Variants in VAX2 observed in about 807,000 individuals in gnomAD.
VAX2 encodes ventral anterior homeobox 2.
Under a neutral mutation model 12.5 loss-of-function variants are expected in VAX2, and 8 were observed. The observed-to-expected ratio is 0.64, with a 90% CI of 0.37 to 1.15. VAX2 has a LOEUF of 1.15. Among genes scored for constraint, VAX2 ranks in the 50% most tolerant of loss-of-function variants. The probability of loss-of-function intolerance (pLI) is 0.01; values close to 1 mark genes in which losing one functional copy is unlikely to be tolerated. For missense variants in VAX2, 476 were observed against 412.9 expected, an observed-to-expected ratio of 1.15 and a Z score of -1.32; for synonymous variants, 183 against 187.6, an observed-to-expected ratio of 0.98 and a Z score of 0.20.
chr2:70,916,830 A>G (rs1679315611), intron 1 of VAX2, among the ~76,000 whole-genome samples: 3 of 152,104 alleles, frequency 2.0e-5, no homozygotes, highest in Non-Finnish European at 4.4e-5. Flanking sequence ...GATCATTTGT[A>G]TACAGGTTTT....
At chr2:70,911,499 TTAGC>T (rs1679183451) in intron 1 of VAX2, among the ~76,000 whole-genome samples, 1 of 152,176 alleles carries the variant, frequency 6.6e-6, no homozygotes, top group African/African-American at 2.4e-5. Flanking sequence ...CATTTTAAGT[TTAGC>T]TAGGCATTAT....
At chr2:70,930,259 A>G (rs1553414138) in intron 2 of VAX2, among the ~76,000 whole-genome samples, 1 of 152,118 alleles carries the variant, frequency 6.6e-6, no homozygotes, top group Non-Finnish European at 1.5e-5. Context: ...ACTCACATCT[A>G]GTTTAAATCT....
chr2:70,903,769 T>G (rs1165643002), intron 1 of VAX2, among the ~76,000 whole-genome samples: 5 of 152,158 alleles, frequency 3.3e-5, no homozygotes, highest in Non-Finnish European at 7.4e-5. Flanking sequence ...CTGAGGCCTC[T>G]CCCAAGTCAC....
At chr2:70,917,382 C>T (rs1282138936) in intron 1 of VAX2, among the ~76,000 whole-genome samples, 5 of 151,322 alleles carry the variant, frequency 3.3e-5, no homozygotes, top group South Asian at 2.1e-4. Context: ...GAATAAATGC[C>T]CATTTATTCT....
rs768657077 is a variant in VAX2, at chr2:70,932,838, G to A, written c.507G>A (p.Ala169=). Residue 169 remains alanine (A), a synonymous_variant, in exon 3 of 3, where the codon GCG becomes GCA. Coordinates refer to ENST00000234392, the MANE Select transcript of VAX2 (RefSeq NM_012476.3). ...AGAGCAGAGACCTGGAGAAGCGGGC[G>A]TCCTCCTCAGCCTCCGAGGCCTTTG... ...KDQSRDLEKR[A]SSSASEAFAT... 9.4e-5 allele frequency: 151 copies of A among 1,612,428 alleles called. No homozygotes were observed. Among genetic ancestry groups the A allele is most frequent in the Middle Eastern group, 1.6e-4 (1 of 6,080 alleles).
In VAX2 at chr2:70,900,716, G is replaced by A. The variant is rs1306988575; in HGVS notation, c.95G>A (p.Gly32Glu). 2.2e-6 allele frequency: 3 copies of A among 1,393,794 alleles called. No individual in the cohort carries two copies. The highest frequency in any genetic ancestry group is 3.1e-5 in the East Asian group (1 of 32,696). 86.3% of individuals were successfully genotyped at this position (1,393,794 alleles called of 1,614,324 possible). A position where few individuals can be genotyped will look rare whatever the true frequency, so the allele number is the denominator to read the frequency against. ...GGRCGDRSGA[G>E]DLRADGGGHS... ...CGCTGCGGAGACCGCAGCGGAGCGGGGGACTTGCGAGCTGATGGCGGTGGC... is the reference window on the plus strand; with the variant it reads ...CGCTGCGGAGACCGCAGCGGAGCGGAGGACTTGCGAGCTGATGGCGGTGGC... The change falls in exon 1 of 3, where the codon GGG becomes GAG. Residue 32 changes from glycine to glutamate, a missense_variant. By Grantham distance (98) the Gly-to-Glu change is moderately conservative. Coordinates refer to ENST00000234392, the MANE Select transcript of VAX2 (RefSeq NM_012476.3).
In VAX2 at chr2:70,933,271, A is replaced by G; in HGVS notation, c.*67A>G. 12 of 1,406,518 alleles carry G rather than the reference A, an allele frequency of 8.5e-6. No homozygotes were observed. The South Asian group carries it at 2.0e-4, about 24-fold the overall frequency. 87.1% of individuals were successfully genotyped at this position (1,406,518 alleles called of 1,614,324 possible). A position where few individuals can be genotyped will look rare whatever the true frequency, so the allele number is the denominator to read the frequency against. On this transcript the variant is annotated 3_prime_UTR_variant, in exon 3 of 3. Transcript: ENST00000234392. The stretch of plus-strand genomic sequence containing the variant: ...CCCAGTCTCCTGTGCCCCAGCGGAC[A>G]GCACTGAGCAGGCCCCGGAGAGGAG...
At chr2:70,926,721 A>G (rs1184101406) in intron 2 of VAX2, among the ~76,000 whole-genome samples, 1 of 152,158 alleles carries the variant, frequency 6.6e-6, no homozygotes, top group Non-Finnish European at 1.5e-5. Flanking sequence ...GGCTTATGGA[A>G]AAGTGAGCAA....
intron 2 of VAX2, among the ~76,000 whole-genome samples, chr2:70,923,894 A>G (rs1679514020): frequency 1.3e-5 from 2 of 152,200 alleles, no homozygotes; most frequent in Non-Finnish European, 2.9e-5. Context: ...GCACTTTGGG[A>G]GGCCAAGGAG....
intron 2 of VAX2, among the ~76,000 whole-genome samples, chr2:70,931,051 CA>C (rs1679684290): frequency 6.6e-6 from 1 of 152,090 alleles, no homozygotes; most frequent in Non-Finnish European, 1.5e-5. Context: ...CTAGTGCCTA[CA>C]AGTGATTCTT....
chr2:70,920,881 T>C (rs879984930), intron 1 of VAX2, among the ~76,000 whole-genome samples: 11 of 152,126 alleles, frequency 7.2e-5, no homozygotes, highest in Admixed American at 6.5e-4. Flanking sequence ...CTGAGGCCTA[T>C]TCACATACAT....
At chr2:70,901,000 A>G (rs1476414710) in intron 1 of VAX2, 132 bp downstream of exon 1, 5 of 1,010,930 alleles carry the variant, frequency 4.9e-6, no homozygotes, top group Non-Finnish European at 6.5e-6. Flanking sequence ...TCATTCAGCA[A>G]ATATTATTTT....
intron 2 of VAX2, among the ~76,000 whole-genome samples, chr2:70,922,576 C>A (rs1377266568): frequency 6.6e-6 from 1 of 151,208 alleles, no homozygotes; most frequent in Non-Finnish European, 1.5e-5. Context: ...TTAGCAGGTT[C>A]CTCCTGGGGT....
At chr2:70,912,897 C>T (rs1351141159) in intron 1 of VAX2, among the ~76,000 whole-genome samples, 3 of 146,154 alleles carry the variant, frequency 2.1e-5, no homozygotes, top group Admixed American at 2.0e-4. Context: ...GAGCTCACTG[C>T]TCTTTGAGGA....
At position 70,933,051 on chromosome 2, in the gene VAX2, A is replaced by G; in HGVS notation, c.720A>G (p.Pro240=). 1 of 1,597,238 alleles carries G rather than the reference A, an allele frequency of 6.3e-7. No individual in the cohort carries two copies. Among genetic ancestry groups the G allele is most frequent in the East Asian group, 2.3e-5 (1 of 44,192 alleles). Residue 240 remains proline, a synonymous_variant, in exon 3 of 3, where the codon CCA becomes CCG. Coordinates refer to ENST00000234392, the MANE Select transcript of VAX2 (RefSeq NM_012476.3). The stretch of plus-strand genomic sequence containing the variant: ...TGTCCTCGGCCTCAGCGTCCCCCCC[A>G]CTGCCGCCCCCTCTGCCAGCTGTCT... ...NPLSSASASP[P]LPPPLPAVCF...
In VAX2 at chr2:70,933,090, C is replaced by T. The variant is rs146481119; in HGVS notation, c.759C>T (p.Ala253=). The T allele has an allele frequency of 6.2e-7, 1 of 1,610,434 alleles. No homozygotes were observed. The highest frequency in any genetic ancestry group is 1.1e-5 in the South Asian group (1 of 90,316). Residue 253 remains alanine, a synonymous_variant, in exon 3 of 3, where the codon GCC becomes GCT. Transcript: ENST00000234392. The stretch of plus-strand genomic sequence containing the variant: ...TGCCAGCTGTCTGCTTTTCCTCGGC[C>T]CCGCTCCTGGATCTGCCTGCCGGCT... The part of the protein sequence containing the change: ...PPLPAVCFSS[A]PLLDLPAGYE...
At chr2:70,922,208 T>A (rs1018893446) in intron 2 of VAX2, among the ~76,000 whole-genome samples, 2 of 152,176 alleles carry the variant, frequency 1.3e-5, no homozygotes, top group Admixed American at 6.5e-5. Context: ...GCTCTAGTAG[T>A]TTGCTCTCAT....
At chr2:70,919,287 A>G (rs1679395510) in intron 1 of VAX2, among the ~76,000 whole-genome samples, 1 of 151,918 alleles carries the variant, frequency 6.6e-6, no homozygotes, top group African/African-American at 2.4e-5. Flanking sequence ...TTTCTTGGAC[A>G]CTGCCAGTAG....
chr2:70,930,028 A>C (rs1224974750), intron 2 of VAX2, among the ~76,000 whole-genome samples: 2 of 152,172 alleles, frequency 1.3e-5, no homozygotes, highest in Non-Finnish European at 2.9e-5. Flanking sequence ...CTTTCTGGTC[A>C]CTTTTGATTA....
Sources: gnomAD v4.1 joint callset for allele counts (sites outside exome capture counted in the v4.1 genomes callset) on GRCh38, gnomAD v4.1.1 for gene constraint, MANE v1.5 for transcripts, NCBI Gene and HGNC (gene_info 2026-07-23, HGNC 2026-07-21) for gene names.